Variants in TENM4 observed in about 807,000 individuals in gnomAD.
The protein encoded by TENM4 is teneurin-4.
TENM4 carries 82 observed loss-of-function variants against 243.3 expected under a neutral mutation model. That is an observed-to-expected ratio of 0.34 (90% CI 0.28 to 0.40). TENM4 has a LOEUF of 0.40. Among genes scored for constraint, TENM4 ranks in the 10% least tolerant of loss-of-function variants. TENM4 has a pLI of 1.00. For missense variants in TENM4, 3,138 were observed against 3,673.3 expected, an observed-to-expected ratio of 0.85 and a Z score of 3.77; for synonymous variants, 1,412 against 1,456.3, an observed-to-expected ratio of 0.97 and a Z score of 0.69.
At chr11:79,051,894 T>C (rs1859803441) in intron 6 of TENM4, among the ~76,000 whole-genome samples, 1 of 152,252 alleles carries the variant, frequency 6.6e-6, no homozygotes. Context: ...ATTTCTGCGT[T>C]AGTTTGCTAA....
chr11:79,164,585 T>C (rs1287987124), intron 3 of TENM4, among the ~76,000 whole-genome samples: 2 of 145,674 alleles, frequency 1.4e-5, no homozygotes, highest in Admixed American at 7.1e-5. Flanking sequence ...TATATATACA[T>C]ATATATATCT....
At chr11:79,113,420 T>TTG (rs1555011194) in intron 4 of TENM4, among the ~76,000 whole-genome samples, 2 of 111,048 alleles carry the variant, frequency 1.8e-5, no homozygotes, top group Non-Finnish European at 3.8e-5. Context: ...TGTGTGTGTG[T>TTG]TGTGTGTGTG....
intron 2 of TENM4, among the ~76,000 whole-genome samples, chr11:79,226,232 G>A (rs74976749): frequency 0.012 from 1,753 of 152,266 alleles, 23 homozygotes; most frequent in African/African-American, 0.039. Flanking sequence ...ATCCCTCATC[G>A]TGTTTTATGT....
intron 33 of TENM4, among the ~76,000 whole-genome samples, chr11:78,659,333 C>G (rs1388957765): frequency 2.0e-5 from 3 of 152,140 alleles, no homozygotes; most frequent in Admixed American, 2.0e-4. Context: ...CTAAGGAAAC[C>G]AAGGCTCAAA....
intron 6 of TENM4, among the ~76,000 whole-genome samples, chr11:79,051,770 C>T (rs1301123674): frequency 6.6e-6 from 1 of 152,186 alleles, no homozygotes; most frequent in African/African-American, 2.4e-5. Context: ...CTCTCCCTCC[C>T]CATTGCACCA....
intron 2 of TENM4, among the ~76,000 whole-genome samples, chr11:79,281,325 A>G (rs1357564467): frequency 6.6e-6 from 1 of 152,346 alleles, no homozygotes; most frequent in East Asian, 1.9e-4. Context: ...TCAAGCAGCC[A>G]TTGGGAGAGT....
chr11:79,383,685 C>T (rs2135529024), intron 1 of TENM4, among the ~76,000 whole-genome samples: 1 of 152,290 alleles, frequency 6.6e-6, no homozygotes, highest in South Asian at 2.1e-4. Context: ...TTTCTCTCTC[C>T]TCTTGACCCC....
intron 4 of TENM4, among the ~76,000 whole-genome samples, chr11:79,143,573 T>G (rs1862336653): frequency 6.6e-6 from 1 of 151,970 alleles, no homozygotes; most frequent in Non-Finnish European, 1.5e-5. Flanking sequence ...AATAACCTAA[T>G]GTAAATGACG....
chr11:79,358,418 A>G (rs1161431492), intron 1 of TENM4, among the ~76,000 whole-genome samples: 2 of 152,310 alleles, frequency 1.3e-5, no homozygotes, highest in African/African-American at 4.8e-5. Context: ...TCAGGACCCA[A>G]AGCAGAGGCA....
rs143527353 is a variant in TENM4 at position 78,961,163 on chromosome 11, A to G, written c.494-57640T>C. Among the ~76,000 whole-genome samples, 28 of 152,344 alleles carry G rather than the reference A, an allele frequency of 1.8e-4. No homozygotes were observed. In the South Asian group the frequency reaches 2.5e-3, roughly 14 times the overall value. ...CTGGCCTGGAATTTAGTACCACACA[A>G]GCACTTATAAATAAATGTTTGCCAA... On this transcript the variant is annotated intron_variant, in intron 6 of 33. Transcript: ENST00000278550.
At chr11:79,261,121 G>C (rs886637963) in intron 2 of TENM4, among the ~76,000 whole-genome samples, 7 of 152,222 alleles carry the variant, frequency 4.6e-5, no homozygotes, top group Admixed American at 2.0e-4. Flanking sequence ...GTTGGAGAGG[G>C]AGGCTGTCTA....
At chr11:79,090,075 T>A (rs1434340040) in intron 4 of TENM4, among the ~76,000 whole-genome samples, 1 of 152,168 alleles carries the variant, frequency 6.6e-6, no homozygotes, top group Non-Finnish European at 1.5e-5. Flanking sequence ...TTTTTCTTGT[T>A]GAGGAAATTA....
intron 2 of TENM4, among the ~76,000 whole-genome samples, chr11:79,234,233 C>A (rs1207654921): frequency 6.6e-6 from 1 of 152,158 alleles, no homozygotes; most frequent in East Asian, 1.9e-4. Flanking sequence ...CTTCATTCAT[C>A]ATTTGAACAA....
chr11:79,170,844 G>A lies in TENM4; in HGVS notation c.-162-22038C>T, dbSNP rs2508240. The stretch of plus-strand genomic sequence containing the variant: ...GCAAACTAATACAGGAGTAGGAGCC[G>A]GAGAGACCTTTTTATGCGGGAGAGG... On this transcript the variant is annotated intron_variant, in intron 3 of 33. Transcript: ENST00000278550. 7.2e-5 allele frequency among the ~76,000 whole-genome samples: 11 copies of A among 151,882 alleles called. No individual in the cohort carries two copies. In the South Asian group the frequency reaches 1.2e-3, roughly 17 times the overall value.
chr11:79,041,191 G>T (rs1178287757), intron 6 of TENM4, among the ~76,000 whole-genome samples: 2 of 152,050 alleles, frequency 1.3e-5, no homozygotes, highest in African/African-American at 4.8e-5. Flanking sequence ...AGCCTCCTGA[G>T]TAGCTGGGAC....
At chr11:79,071,654 C>T (rs886960278) in intron 4 of TENM4, among the ~76,000 whole-genome samples, 3 of 152,214 alleles carry the variant, frequency 2.0e-5, no homozygotes, top group African/African-American at 7.2e-5. Context: ...TTTCCAAATT[C>T]TGCCTTTGAC....
At chr11:79,364,500 G>A (rs970720487) in intron 1 of TENM4, among the ~76,000 whole-genome samples, 1 of 152,132 alleles carries the variant, frequency 6.6e-6, no homozygotes. Flanking sequence ...AATCTCCGTA[G>A]GTATGGGAAA....
intron 7 of TENM4, among the ~76,000 whole-genome samples, chr11:78,900,257 C>T (rs1855898714): frequency 6.6e-6 from 1 of 152,182 alleles, no homozygotes; most frequent in Admixed American, 6.5e-5. Flanking sequence ...CTTTTATTTT[C>T]TCCATTTTAG....
Position 78,722,836 on chromosome 11 carries a change from C to T in TENM4, c.3632G>A (p.Arg1211His), listed in dbSNP as rs555336301. 78 of 1,614,028 alleles carry T rather than the reference C, an allele frequency of 4.8e-5. No homozygotes were observed. The Middle Eastern group carries it at 6.6e-4, about 14-fold the overall frequency. ...GCTGGGGCAGGAGATGCTTCTCCGG[C>T]GCCCATTGCCCATGATGCTCCCAAT... is the stretch of plus-strand genomic sequence containing the variant. Reference protein sequence around the residue: ...PVIGSIMGNGRRRSISCPSCN... With the variant: ...PVIGSIMGNGHRRSISCPSCN... The change falls in exon 24 of 34, where the codon CGC (arginine) becomes CAC (histidine). Residue 1211 changes from arginine to histidine, a missense_variant. Physicochemically the swap from Arg to His is conservative, Grantham distance 29. This residue lies in a region of TENM4 where 2,467 missense variants were observed against 3,059.1 expected (regional missense o/e 0.81). Coordinates refer to ENST00000278550, the MANE Select transcript of TENM4 (RefSeq NM_001098816.3).
Sources: allele counts gnomAD v4.1 joint callset (sites outside exome capture counted in the v4.1 genomes callset), GRCh38; gene constraint gnomAD v4.1.1; regional missense constraint gnomAD v4.1.1; transcripts MANE v1.5; gene names NCBI Gene and HGNC (gene_info 2026-07-23, HGNC 2026-07-21).